The following PGM3 variants were observed in gnomAD, a reference collection of about 807,000 sequenced individuals.
PGM3 encodes phosphoglucomutase 3, also known as phosphoacetylglucosamine mutase.
In PGM3, 40 loss-of-function variants were observed where a neutral mutation model predicts 66.2. That is an observed-to-expected ratio of 0.60 (90% CI 0.47 to 0.79). PGM3 has a LOEUF of 0.79. Among genes scored for constraint, PGM3 ranks in the 30% least tolerant of loss-of-function variants. The pLI is 0.00. For synonymous variants in PGM3, 191 were observed against 224.2 expected, an observed-to-expected ratio of 0.85 and a Z score of 1.32; for missense variants, 537 against 643.4, an observed-to-expected ratio of 0.83 and a Z score of 1.79.
At chr6:83,163,019 G>A, downstream of PGM3, 1 of 1,355,712 alleles carries the variant, frequency 7.4e-7, no homozygotes, top group Non-Finnish European at 9.9e-7. Context: ...ACGTTATCAA[G>A]TTGAGCTATT....
Position 83,166,272 on chromosome 6 carries a change from G to GT in PGM3, c.*2961dup. On this transcript the variant is annotated 3_prime_UTR_variant, in exon 13 of 13. Coordinates refer to ENST00000513973, the MANE Select transcript of PGM3 (RefSeq NM_015599.3). Reference sequence around the variant, plus strand: ...GTTCTTGGGCAGCTCTCTTATAGTTGTAAGAGGATCAGCTTCGATGATGTT... The same window carrying GT: ...GTTCTTGGGCAGCTCTCTTATAGTTGTTAAGAGGATCAGCTTCGATGATGTT... 1.7e-6 allele frequency: 1 copy of GT among 572,724 alleles called. No individual in the cohort carries two copies. The highest frequency in any genetic ancestry group is 3.1e-6 in the Non-Finnish European group (1 of 322,342). The allele number at this position is 572,724 out of a possible 1,614,324, so 35.5% of individuals were successfully genotyped here. A position where few individuals can be genotyped will look rare whatever the true frequency, so the allele number is the denominator to read the frequency against.
At chr6:83,188,415 A>T in intron 3 of PGM3, 199 bp downstream of exon 3, 1 of 503,992 alleles carries the variant, frequency 2.0e-6, no homozygotes, top group South Asian at 3.3e-5. Context: ...GTAGGGTTTT[A>T]AACCAGAGTC....
At chr6:83,178,244 T>C (rs1787921357) in intron 8 of PGM3, among the ~76,000 whole-genome samples, 1 of 152,226 alleles carries the variant, frequency 6.6e-6, no homozygotes, top group African/African-American at 2.4e-5. Context: ...TTCATACCTC[T>C]GTGACAGGTA....
chr6:83,180,541 G>A (rs1435282124), intron 6 of PGM3, among the ~76,000 whole-genome samples: 1 of 152,182 alleles, frequency 6.6e-6, no homozygotes, highest in Non-Finnish European at 1.5e-5. Flanking sequence ...GACAGCAGCA[G>A]AGTGACAAAT....
At chr6:83,190,529 G>T in intron 2 of PGM3, 3 of 410,672 alleles carry the variant, frequency 7.3e-6, no homozygotes, top group Non-Finnish European at 4.3e-6. Context: ...TTCAATTACT[G>T]AAAATGTCTT....
At chr6:83,157,137 G>A (rs1782982464), downstream of PGM3, 1 of 1,593,242 alleles carries the variant, frequency 6.3e-7, no homozygotes. Flanking sequence ...AGTTTTATGT[G>A]ATAAAGATTA....
Position 83,166,995 on chromosome 6 carries a change from C to A in PGM3, c.*2239G>T, listed in dbSNP as rs549011878. 274 of 985,840 alleles carry A rather than the reference C, an allele frequency of 2.8e-4. No individual in the cohort carries two copies. In the African/African-American group the frequency reaches 4.5e-3, roughly 16 times the overall value. 61.1% of individuals were successfully genotyped at this position (985,840 alleles called of 1,614,324 possible). A position where few individuals can be genotyped will look rare whatever the true frequency, so the allele number is the denominator to read the frequency against. On this transcript the variant is annotated 3_prime_UTR_variant, in exon 13 of 13. Coordinates refer to ENST00000513973, the MANE Select transcript of PGM3 (RefSeq NM_015599.3). ...TGCCCAAGTTCAACCAACCTGTTCT[C>A]TCTTATCTTTCTCTAGACAGAATGA...
Position 83,167,906 on chromosome 6 carries a change from G to C in PGM3, c.*1328C>G. On this transcript the variant is annotated 3_prime_UTR_variant, in exon 13 of 13. Coordinates refer to ENST00000513973, the MANE Select transcript of PGM3 (RefSeq NM_015599.3). ...ACTCAGGGAGAACATTGGGTTGGGA[G>C]CCAGGGCACTTGCTGCTCACCATCT... is the stretch of plus-strand genomic sequence containing the variant. The C allele has an allele frequency of 6.2e-7, 1 of 1,613,640 alleles. No homozygotes were observed. Among genetic ancestry groups the C allele is most frequent in the Non-Finnish European group, 8.5e-7 (1 of 1,179,778 alleles).
At position 83,191,149 on chromosome 6, in the gene PGM3, C is replaced by G. The variant is rs751700753; in HGVS notation, c.-2-135G>C. ...TCAAAGAACCCTATGTTTGACAGAG[C>G]AATGGGCAGGAGAGTAAGTCCTGTG... On this transcript the variant is annotated intron_variant, in intron 1 of 12. Coordinates refer to ENST00000513973, the MANE Select transcript of PGM3 (RefSeq NM_015599.3). The G allele has an allele frequency of 1.7e-4, 259 of 1,485,018 alleles. 1 individual carries two copies. The highest frequency in any genetic ancestry group is 5.1e-4 in the Middle Eastern group (3 of 5,888). The allele number at this position is 1,485,018 out of a possible 1,614,324, so 92.0% of individuals were successfully genotyped here. A position where few individuals can be genotyped will look rare whatever the true frequency, so the allele number is the denominator to read the frequency against.
chr6:83,152,626 T>C, the PGM3 span, among the ~76,000 whole-genome samples: 3 of 150,660 alleles, frequency 2.0e-5, no homozygotes, highest in African/African-American at 4.9e-5. Flanking sequence ...TTTTCTTTTT[T>C]TTTTTTTTTT....
rs1788195069 is a variant in PGM3 at position 83,181,767 on chromosome 6, G to A, written c.756C>T (p.Asp252=). Residue 252 remains aspartate, a synonymous_variant, in exon 6 of 13, where the codon GAC becomes GAT. Coordinates refer to ENST00000513973, the MANE Select transcript of PGM3 (RefSeq NM_015599.3). The stretch of plus-strand genomic sequence containing the variant: ...GAGGTTTCTGATGACTTTTCACAAA[G>A]TCAGCTCCACATAAATGATTGAGTT... ...KGKLNHLCGA[D]FVKSHQKPPQ... The A allele has an allele frequency of 6.2e-7, 1 of 1,612,336 alleles. No homozygotes were observed. Among genetic ancestry groups the A allele is most frequent in the Admixed American group, 1.7e-5 (1 of 59,470 alleles).
At chr6:83,152,306 T>C in the PGM3 span, 1 of 1,573,622 alleles carries the variant, frequency 6.4e-7, no homozygotes, top group Non-Finnish European at 8.6e-7. Flanking sequence ...TCACCTGCAA[T>C]GGAAACCGCA....
chr6:83,154,971 C>T, the PGM3 span, among the ~76,000 whole-genome samples: 4 of 152,108 alleles, frequency 2.6e-5, no homozygotes, highest in Non-Finnish European at 5.9e-5. Flanking sequence ...TTTATCCATT[C>T]AACAAATTTT....
chr6:83,169,419 G>C, intron 12 of PGM3, 96 bp from the exon 13 acceptor site: 1 of 1,402,908 alleles, frequency 7.1e-7, no homozygotes, highest in Non-Finnish European at 9.7e-7. Context: ...GAAGAGAGGG[G>C]TGATTCTTGA....
At position 83,167,990 on chromosome 6, in the gene PGM3, C is replaced by T. The variant is rs1201411295; in HGVS notation, c.*1244G>A. ...TCTTCAATGTGCTCAGTCAAGTCTT[C>T]AACAGCAAAGTCACAAGCCGATGTG... On this transcript the variant is annotated 3_prime_UTR_variant, in exon 13 of 13. Coordinates refer to ENST00000513973, the MANE Select transcript of PGM3 (RefSeq NM_015599.3). 6.2e-7 allele frequency: 1 copy of T among 1,614,138 alleles called. No homozygotes were observed. The highest frequency in any genetic ancestry group is 2.2e-5 in the East Asian group (1 of 44,870).
the PGM3 span, chr6:83,153,725 T>C: frequency 8.4e-7 from 1 of 1,189,316 alleles, no homozygotes. Flanking sequence ...ATGGCATTTT[T>C]ACCTTGAATT....
downstream of PGM3, among the ~76,000 whole-genome samples, chr6:83,157,805 A>C (rs1783148612): frequency 6.6e-6 from 1 of 152,092 alleles, no homozygotes. Context: ...CAAACGGTAA[A>C]ACCTTCCCAA....
chr6:83,186,066 G>C (rs1052375193), intron 4 of PGM3, among the ~76,000 whole-genome samples: 10 of 152,148 alleles, frequency 6.6e-5, no homozygotes, highest in Non-Finnish European at 8.8e-5. Context: ...AGTATCTGAG[G>C]AGAGGTACGC....
At chr6:83,152,876 C>T in the PGM3 span, among the ~76,000 whole-genome samples, 1 of 152,060 alleles carries the variant, frequency 6.6e-6, no homozygotes, top group African/African-American at 2.4e-5. Flanking sequence ...CCTCGGCTTC[C>T]CAAAGTGCTG....
Sources: gnomAD v4.1 joint callset for allele counts (sites outside exome capture counted in the v4.1 genomes callset) on GRCh38, gnomAD v4.1.1 for gene constraint, MANE v1.5 for transcripts, NCBI Gene and HGNC (gene_info 2026-07-23, HGNC 2026-07-21) for gene names.